Variants in NEO1 observed in about 807,000 individuals in gnomAD.
NEO1 encodes the protein neogenin 1.
Under a neutral mutation model 159.7 loss-of-function variants are expected in NEO1, and 63 were observed. The observed-to-expected ratio is 0.39, with a 90% CI of 0.32 to 0.49. NEO1 has a LOEUF of 0.49. NEO1 is among the 20% of genes least tolerant of loss of function. NEO1 has a pLI of 0.85. For synonymous variants in NEO1, 633 were observed against 662.0 expected, an observed-to-expected ratio of 0.96 and a Z score of 0.67; for missense variants, 1,615 against 1,831.0, an observed-to-expected ratio of 0.88 and a Z score of 2.15.
chr15:73,178,461 CTG>C lies in NEO1; in HGVS notation c.1291+39_1291+40del. ...GGCTGAAATAGTCAGATGATAGAGGCTGTGTGCTTGATGAACAAGCACCCATC... is the reference window on the plus strand; with the variant it reads ...GGCTGAAATAGTCAGATGATAGAGGCTGTGCTTGATGAACAAGCACCCATC... On this transcript the variant is annotated intron_variant, in intron 7 of 28. Transcript: ENST00000261908. 1.9e-6 allele frequency: 3 copies of C among 1,609,468 alleles called. No homozygotes were observed. The South Asian group carries it at 3.3e-5, about 18-fold the overall frequency.
intron 1 of NEO1, among the ~76,000 whole-genome samples, chr15:73,056,247 G>A (rs550687772): frequency 6.6e-5 from 10 of 152,318 alleles, no homozygotes; most frequent in Admixed American, 1.3e-4. Flanking sequence ...TCAGATCTCC[G>A]TGCCTTTGCA....
intron 1 of NEO1, among the ~76,000 whole-genome samples, chr15:73,092,411 CACTTT>C (rs1241817840): frequency 3.3e-5 from 5 of 152,050 alleles, no homozygotes; most frequent in African/African-American, 1.2e-4. Flanking sequence ...ACTTATAATC[CACTTT>C]ACTTAATTAT....
At chr15:73,196,957 A>G (rs2036563832) in intron 7 of NEO1, among the ~76,000 whole-genome samples, 1 of 152,210 alleles carries the variant, frequency 6.6e-6, no homozygotes, top group South Asian at 2.1e-4. Context: ...AGTTTGCTGC[A>G]TATTATAGTT....
At chr15:73,057,871 T>C (rs1370492281) in intron 1 of NEO1, among the ~76,000 whole-genome samples, 3 of 152,192 alleles carry the variant, frequency 2.0e-5, no homozygotes, top group Admixed American at 2.0e-4. Flanking sequence ...TAAAAACTTA[T>C]TTAAAAATAC....
chr15:73,092,131 G>A (rs1038783941), intron 1 of NEO1, among the ~76,000 whole-genome samples: 3 of 152,110 alleles, frequency 2.0e-5, no homozygotes, highest in African/African-American at 7.2e-5. Flanking sequence ...TACAACTTCA[G>A]GGTTCATACA....
At chr15:73,190,120 ATTG>A (rs1432773636) in intron 7 of NEO1, among the ~76,000 whole-genome samples, 1 of 152,152 alleles carries the variant, frequency 6.6e-6, no homozygotes, top group Non-Finnish European at 1.5e-5. Flanking sequence ...TGGCAGGTAC[ATTG>A]TTATTATTAT....
At chr15:73,214,074 T>C (rs933847390) in intron 7 of NEO1, among the ~76,000 whole-genome samples, 8 of 152,142 alleles carry the variant, frequency 5.3e-5, no homozygotes, top group Non-Finnish European at 1.0e-4. Context: ...CATTTGAGAA[T>C]TGTCTGTTCA....
intron 23 of NEO1, among the ~76,000 whole-genome samples, chr15:73,284,879 C>T (rs1031295573): frequency 5.3e-5 from 8 of 152,058 alleles, no homozygotes; most frequent in South Asian, 4.1e-4. Context: ...TGAGCCACTG[C>T]GCCCGGCCCT....
intron 4 of NEO1, among the ~76,000 whole-genome samples, chr15:73,134,343 G>A (rs2031497912): frequency 1.3e-5 from 2 of 152,230 alleles, no homozygotes; most frequent in South Asian, 2.1e-4. Flanking sequence ...GTATTTCTTG[G>A]AGAAGTCACC....
intron 1 of NEO1, among the ~76,000 whole-genome samples, chr15:73,078,912 A>G (rs774673766): frequency 6.6e-6 from 1 of 152,264 alleles, no homozygotes; most frequent in Non-Finnish European, 1.5e-5. Context: ...AATGACAAGC[A>G]GGAATTTGAA....
rs1219273167 is a variant in NEO1 at position 73,116,623 on chromosome 15, T to C, written c.214T>C (p.Leu72=). Residue 72 remains leucine, a synonymous_variant, in exon 2 of 29, where the codon TTA becomes CTA. Transcript: ENST00000261908. The part of the protein sequence containing the change: ...TLSVRGSSVI[L]NCSAYSEPSP... The stretch of plus-strand genomic sequence containing the variant: ...CTCAGTTAGAGGCTCTTCTGTTATA[T>C]TAAACTGTTCAGCATATTCTGAGCC... 6.2e-7 allele frequency: 1 copy of C among 1,613,334 alleles called. No homozygotes were observed. The highest frequency in any genetic ancestry group is 1.7e-5 in the Admixed American group (1 of 59,870).
At chr15:73,192,487 AT>A (rs1376644939) in intron 7 of NEO1, among the ~76,000 whole-genome samples, 1 of 151,972 alleles carries the variant, frequency 6.6e-6, no homozygotes, top group Non-Finnish European at 1.5e-5. Flanking sequence ...ATAATTTAAA[AT>A]TCACACACCC....
chr15:73,142,175 G>A (rs1209505983), intron 5 of NEO1, among the ~76,000 whole-genome samples: 1 of 152,006 alleles, frequency 6.6e-6, no homozygotes, highest in South Asian at 2.1e-4. Context: ...TGGGGAGAGG[G>A]GCAACAATTT....
chr15:73,196,045 G>C (rs957387090), intron 7 of NEO1, among the ~76,000 whole-genome samples: 1 of 152,190 alleles, frequency 6.6e-6, no homozygotes, highest in Admixed American at 6.5e-5. Context: ...TGGGTAATGA[G>C]CAGAAATACC....
At chr15:73,103,554 T>G (rs924169634) in intron 1 of NEO1, among the ~76,000 whole-genome samples, 12 of 152,186 alleles carry the variant, frequency 7.9e-5, no homozygotes, top group African/African-American at 2.9e-4. Flanking sequence ...TTTGTACATA[T>G]CCTGTCATGG....
At chr15:73,059,402 T>C (rs2067870862) in intron 1 of NEO1, among the ~76,000 whole-genome samples, 1 of 152,198 alleles carries the variant, frequency 6.6e-6, no homozygotes, top group South Asian at 2.1e-4. Context: ...TAAAATTATT[T>C]CATAGCGAGA....
chr15:73,055,309 A>G (rs540165109), intron 1 of NEO1, among the ~76,000 whole-genome samples: 1 of 152,284 alleles, frequency 6.6e-6, no homozygotes, highest in African/African-American at 2.4e-5. Flanking sequence ...GATGTGATTC[A>G]TTGCCTTACA....
At chr15:73,155,285 C>T (rs537499414) in intron 5 of NEO1, among the ~76,000 whole-genome samples, 1 of 152,188 alleles carries the variant, frequency 6.6e-6, no homozygotes, top group African/African-American at 2.4e-5. Flanking sequence ...CCAGCTCATT[C>T]TCTTCTGGCT....
chr15:73,093,932 C>T (rs1037229899), intron 1 of NEO1, among the ~76,000 whole-genome samples: 2 of 151,544 alleles, frequency 1.3e-5, no homozygotes, highest in Non-Finnish European at 2.9e-5. Context: ...CATCATTGTG[C>T]TTTTTGTTTT....
Sources: allele counts gnomAD v4.1 joint callset (sites outside exome capture counted in the v4.1 genomes callset), GRCh38; gene constraint gnomAD v4.1.1; transcripts MANE v1.5; gene names NCBI Gene and HGNC (gene_info 2026-07-23, HGNC 2026-07-21).